The following CNOT6L variants were observed in gnomAD, a reference collection of about 807,000 sequenced individuals.
CNOT6L encodes the protein CCR4-NOT transcription complex subunit 6 like.
In CNOT6L, 7 loss-of-function variants were observed where a neutral mutation model predicts 64.0. The observed-to-expected ratio is 0.11, with a 90% CI of 0.06 to 0.21. The LOEUF (loss-of-function observed/expected upper bound fraction) is 0.21. CNOT6L is among the 10% of genes least tolerant of loss of function. CNOT6L has a pLI of 1.00. For missense variants in CNOT6L, 245 were observed against 669.0 expected (o/e 0.37, Z 6.99); for synonymous variants, 193 against 243.4 (o/e 0.79, Z 1.93).
chr4:77,743,439 AATTTT>A (rs1220656850), intron 7 of CNOT6L, among the ~76,000 whole-genome samples: 1 of 152,004 alleles, frequency 6.6e-6, no homozygotes, highest in African/African-American at 2.4e-5. Context: ...ATTTAGAAGA[AATTTT>A]ATTTTAATTT....
At chr4:77,737,711 C>CCCAGACTG (rs1371651348) in intron 8 of CNOT6L, among the ~76,000 whole-genome samples, 1 of 152,074 alleles carries the variant, frequency 6.6e-6, no homozygotes, top group African/African-American at 2.4e-5. Context: ...AAACACCACG[C>CCCAGACTG]CCAGACTGTA....
intron 11 of CNOT6L, among the ~76,000 whole-genome samples, chr4:77,725,049 C>A (rs925431205): frequency 6.6e-6 from 1 of 152,118 alleles, no homozygotes; most frequent in African/African-American, 2.4e-5. Flanking sequence ...TAAATATTTA[C>A]CAGCACATCA....
intron 5 of CNOT6L, among the ~76,000 whole-genome samples, chr4:77,753,540 G>T (rs1725093924): frequency 6.6e-6 from 1 of 152,010 alleles, no homozygotes; most frequent in African/African-American, 2.4e-5. Flanking sequence ...GCGTGGTGGT[G>T]TGTGCCTCTA....
intron 11 of CNOT6L, 78 bp downstream of exon 11, chr4:77,726,089 C>G (rs889130237): frequency 4.8e-6 from 6 of 1,256,488 alleles, no homozygotes; most frequent in Non-Finnish European, 7.0e-6. Flanking sequence ...TACAATTAAT[C>G]ATAAAGAATT....
chr4:77,798,842 C>T (rs1052045764), intron 1 of CNOT6L, among the ~76,000 whole-genome samples: 1 of 149,696 alleles, frequency 6.7e-6, no homozygotes, highest in Admixed American at 6.7e-5. Flanking sequence ...AATAGCCAGG[C>T]ATGGTGGTGT....
intron 4 of CNOT6L, 91 bp downstream of exon 4, chr4:77,772,990 C>T: frequency 1.4e-6 from 1 of 733,304 alleles, no homozygotes; most frequent in African/African-American, 1.8e-5. Flanking sequence ...TAGTCACATT[C>T]TAAAACTCAT....
At chr4:77,749,935 T>G (rs1724665396) in intron 5 of CNOT6L, among the ~76,000 whole-genome samples, 1 of 152,208 alleles carries the variant, frequency 6.6e-6, no homozygotes, top group South Asian at 2.1e-4. Flanking sequence ...CAAAAAGATA[T>G]CCATTACAGC....
chr4:77,727,825 G>A (rs868772776), intron 10 of CNOT6L, among the ~76,000 whole-genome samples: 3 of 152,228 alleles, frequency 2.0e-5, no homozygotes, highest in African/African-American at 7.2e-5. Flanking sequence ...TTAGGCTAGG[G>A]GTTAAAGACA....
upstream of CNOT6L, among the ~76,000 whole-genome samples, chr4:77,820,268 T>A (rs1224364975): frequency 1.3e-5 from 2 of 151,118 alleles, no homozygotes; most frequent in Non-Finnish European, 3.0e-5. Context: ...CTGGCGGGAG[T>A]CAGTCACTCC....
rs902034222 is a variant in CNOT6L at position 77,717,933 on chromosome 4, G to C, written c.*2498C>G. The C allele has an allele frequency of 1.3e-5, 2 of 152,458 alleles. No homozygotes were observed. Among genetic ancestry groups the C allele is most frequent in the African/African-American group, 4.8e-5 (2 of 41,394 alleles). The allele number at this position is 152,458 out of a possible 1,614,324, so 9.4% of individuals were successfully genotyped here. A position where few individuals can be genotyped will look rare whatever the true frequency, so the allele number is the denominator to read the frequency against. On this transcript the variant is annotated 3_prime_UTR_variant, in exon 12 of 12. Transcript: ENST00000504123. ...AAATACACAGGATAATGAATGGTTT[G>C]AAAGAGCGCATTTGAAGCAGAGAGA...
At chr4:77,762,606 A>T (rs904890176) in intron 4 of CNOT6L, among the ~76,000 whole-genome samples, 2 of 152,198 alleles carry the variant, frequency 1.3e-5, no homozygotes, top group African/African-American at 4.8e-5. Context: ...TTTCAAAAAA[A>T]CAAATTTGCC....
chr4:77,715,257 C>T lies in CNOT6L; in HGVS notation c.*5174G>A, dbSNP rs558952509. The T allele has an allele frequency of 6.6e-6, 1 of 152,202 alleles. No homozygotes were observed. The highest frequency in any genetic ancestry group is 2.1e-4 in the South Asian group (1 of 4,826). 9.4% of individuals were successfully genotyped at this position (152,202 alleles called of 1,614,324 possible). A position where few individuals can be genotyped will look rare whatever the true frequency, so the allele number is the denominator to read the frequency against. The stretch of plus-strand genomic sequence containing the variant: ...CCACCATGCCAAAAGAGTCATATCA[C>T]TTGGCATTTGTATATCCTTTCCATA... On this transcript the variant is annotated 3_prime_UTR_variant, in exon 12 of 12. Coordinates refer to ENST00000504123, the MANE Select transcript of CNOT6L (RefSeq NM_144571.3).
intron 1 of CNOT6L, among the ~76,000 whole-genome samples, chr4:77,791,478 G>A (rs1730142914): frequency 6.6e-6 from 1 of 151,904 alleles, no homozygotes; most frequent in East Asian, 1.9e-4. Flanking sequence ...AGTAGTTTAA[G>A]AATACTTACA....
chr4:77,743,778 T>C (rs2109948720), intron 7 of CNOT6L, among the ~76,000 whole-genome samples: 1 of 151,982 alleles, frequency 6.6e-6, no homozygotes. Flanking sequence ...ATTTTTGCAT[T>C]TTTAGTAGAT....
chr4:77,778,262 A>C (rs1034321476), intron 1 of CNOT6L, among the ~76,000 whole-genome samples: 1 of 152,236 alleles, frequency 6.6e-6, no homozygotes, highest in Non-Finnish European at 1.5e-5. Context: ...ATAATAAAAG[A>C]GTCTACAAAA....
chr4:77,813,335 TTAGA>T (rs1311300863), intron 1 of CNOT6L, among the ~76,000 whole-genome samples: 1 of 152,094 alleles, frequency 6.6e-6, no homozygotes, highest in African/African-American at 2.4e-5. Context: ...AATAGATATA[TTAGA>T]TAGATTAGCT....
At chr4:77,779,159 G>A (rs1728554652) in intron 1 of CNOT6L, among the ~76,000 whole-genome samples, 1 of 151,658 alleles carries the variant, frequency 6.6e-6, no homozygotes, top group African/African-American at 2.4e-5. Flanking sequence ...TCCTTAAGGG[G>A]ACTATGTTTC....
intron 1 of CNOT6L, among the ~76,000 whole-genome samples, chr4:77,776,906 C>T (rs1728210600): frequency 1.3e-5 from 2 of 152,146 alleles, no homozygotes; most frequent in African/African-American, 2.4e-5. Context: ...TCCTGCTGGT[C>T]ATAAACAAAG....
At chr4:77,795,684 A>C (rs1045422625) in intron 1 of CNOT6L, among the ~76,000 whole-genome samples, 1 of 152,128 alleles carries the variant, frequency 6.6e-6, no homozygotes, top group African/African-American at 2.4e-5. Context: ...CAGAAGCAGA[A>C]GTCTGTACGG....
Sources: gnomAD v4.1 joint callset for allele counts (sites outside exome capture counted in the v4.1 genomes callset) on GRCh38, gnomAD v4.1.1 for gene constraint, MANE v1.5 for transcripts, NCBI Gene and HGNC (gene_info 2026-07-23, HGNC 2026-07-21) for gene names.